RIT2: variants seen among roughly 807,000 people sequenced by gnomAD.
RIT2 encodes GTP-binding protein Rit2.
RIT2 carries 24 observed loss-of-function variants against 23.7 expected under a neutral mutation model. The ratio of observed to expected loss-of-function variants is 1.01; its 90% CI spans 0.73 to 1.43. The LOEUF is 1.43. Ranked by LOEUF, RIT2 falls within the 40% of genes most tolerant of loss-of-function variation. The probability of loss-of-function intolerance (pLI) is 0.00; values close to 1 mark genes in which losing one functional copy is unlikely to be tolerated. For missense variants in RIT2, 236 were observed against 266.9 expected (o/e 0.88, Z 0.81); for synonymous variants, 107 against 91.1 (o/e 1.17, Z -0.99).
chr18:42,952,096 G>T (rs1909864594), intron 3 of RIT2, among the ~76,000 whole-genome samples: 2 of 152,068 alleles, frequency 1.3e-5, no homozygotes, highest in African/African-American at 4.8e-5. Context: ...ACCTCCTACT[G>T]GGTCCCTCCC....
At chr18:42,777,390 A>G (rs1394269558) in intron 4 of RIT2, among the ~76,000 whole-genome samples, 1 of 152,154 alleles carries the variant, frequency 6.6e-6, no homozygotes, top group Non-Finnish European at 1.5e-5. Flanking sequence ...GTCTGAGTGT[A>G]AATAAATCTC....
chr18:43,041,662 A>C (rs1912131553), intron 1 of RIT2, among the ~76,000 whole-genome samples: 1 of 152,132 alleles, frequency 6.6e-6, no homozygotes, highest in Non-Finnish European at 1.5e-5. Flanking sequence ...TTTTGTGTGG[A>C]CGTCTTTTTT....
chr18:42,768,708 T>A (rs1913481094), intron 4 of RIT2, among the ~76,000 whole-genome samples: 1 of 152,140 alleles, frequency 6.6e-6, no homozygotes, highest in Non-Finnish European at 1.5e-5. Flanking sequence ...TACTAGATGT[T>A]TTATGAATTG....
chr18:42,743,633 C>T lies in RIT2; in HGVS notation c.514G>A (p.Asp172Asn). ...TCCCTCACTAAGCCATGAAAAGCAT[C>T]ATCAATACAGAATCTGAGGGCTGCA... ...TSAALRFCID[D>N]AFHGLVREIR... The change falls in exon 5 of 5, where the codon GAT (aspartate) becomes AAT (asparagine). Residue 172 changes from aspartate to asparagine, a missense_variant. By Grantham distance (23) the Asp-to-Asn change is conservative (BLOSUM62 1). Coordinates refer to ENST00000326695, the MANE Select transcript of RIT2 (RefSeq NM_002930.4). 3 of 1,614,036 alleles carry T rather than the reference C, an allele frequency of 1.9e-6. No individual in the cohort carries two copies. Among genetic ancestry groups the T allele is most frequent in the Non-Finnish European group, 8.5e-7 (1 of 1,179,982 alleles).
chr18:42,795,726 C>G (rs1318518252), intron 4 of RIT2, among the ~76,000 whole-genome samples: 2 of 152,236 alleles, frequency 1.3e-5, no homozygotes, highest in Admixed American at 6.5e-5. Flanking sequence ...ACCTTTATGT[C>G]TAGCTCAGGG....
intron 3 of RIT2, among the ~76,000 whole-genome samples, chr18:42,963,334 C>A (rs930841924): frequency 1.3e-5 from 2 of 152,056 alleles, no homozygotes; most frequent in Non-Finnish European, 2.9e-5. Context: ...TAGCAAGACC[C>A]CAGGCACAGA....
chr18:43,034,287 A>G (rs1366266079), intron 1 of RIT2, among the ~76,000 whole-genome samples: 1 of 152,112 alleles, frequency 6.6e-6, no homozygotes, highest in Non-Finnish European at 1.5e-5. Flanking sequence ...GTGAATAGAT[A>G]CCCTCTGAAG....
At chr18:42,980,028 C>G (rs1945000) in intron 2 of RIT2, among the ~76,000 whole-genome samples, 38,319 of 151,840 alleles carry the variant, frequency 0.25, 5,266 homozygotes, top group African/African-American at 0.34. Flanking sequence ...GGCTCTGCCA[C>G]GAAAAGAGAA....
chr18:42,749,202 A>G (rs1027296916), intron 4 of RIT2, among the ~76,000 whole-genome samples: 3 of 151,956 alleles, frequency 2.0e-5, no homozygotes, highest in African/African-American at 7.2e-5. Flanking sequence ...TAGTTGAGAA[A>G]AAGTATGTAT....
At chr18:43,027,521 A>G (rs1911761334) in intron 2 of RIT2, among the ~76,000 whole-genome samples, 1 of 151,984 alleles carries the variant, frequency 6.6e-6, no homozygotes, top group African/African-American at 2.4e-5. Context: ...AAGGCTAAGT[A>G]TGGACTCAGA....
intron 4 of RIT2, among the ~76,000 whole-genome samples, chr18:42,840,754 G>A (rs926764937): frequency 6.6e-6 from 1 of 152,198 alleles, no homozygotes; most frequent in African/African-American, 2.4e-5. Flanking sequence ...ACCCGCCTTG[G>A]CCTCCCAAAG....
At position 42,743,670 on chromosome 18, in the gene RIT2, A is replaced by G. The variant is rs1338524439; in HGVS notation, c.477T>C (p.Phe159=). 2 of 1,613,948 alleles carry G rather than the reference A, an allele frequency of 1.2e-6. No homozygotes were observed. Among genetic ancestry groups the G allele is most frequent in the African/African-American group, 2.7e-5 (2 of 74,940 alleles). The change falls in exon 5 of 5, where the codon TTT becomes TTC. Residue 159 remains phenylalanine (F), a synonymous_variant. Transcript: ENST00000326695. ...LSLAQEYNCG[F]FETSAALRFC... ...ATCTGAGGGCTGCAGAGGTCTCAAA[A>G]AAACCACAATTATATTCTTGGGCAA...
chr18:43,100,211 T>C (rs550069934), intron 1 of RIT2, among the ~76,000 whole-genome samples: 3 of 151,994 alleles, frequency 2.0e-5, no homozygotes, highest in African/African-American at 7.2e-5. Flanking sequence ...GATGCGACAA[T>C]AGGAGAGAGA....
At chr18:42,937,776 C>T (rs752125056) in intron 3 of RIT2, among the ~76,000 whole-genome samples, 14 of 152,106 alleles carry the variant, frequency 9.2e-5, no homozygotes, top group Non-Finnish European at 1.8e-4. Context: ...AGATAAAATT[C>T]ATTGGGGGAA....
At chr18:42,897,226 C>G (rs980236801) in intron 4 of RIT2, among the ~76,000 whole-genome samples, 3 of 152,196 alleles carry the variant, frequency 2.0e-5, no homozygotes, top group African/African-American at 4.8e-5. Context: ...TACCTCCCAA[C>G]ACACTAGTTA....
At chr18:42,923,827 A>T in intron 3 of RIT2, 64 bp from the exon 4 acceptor site, 1 of 1,223,780 alleles carries the variant, frequency 8.2e-7, no homozygotes, top group South Asian at 1.5e-5. Flanking sequence ...TATGAGGTTT[A>T]AATGTAATCA....
intron 4 of RIT2, among the ~76,000 whole-genome samples, chr18:42,809,642 T>C (rs1158147260): frequency 1.3e-5 from 2 of 151,474 alleles, no homozygotes; most frequent in African/African-American, 4.8e-5. Context: ...TAAGGTTTGA[T>C]AGAAGAAATA....
intron 1 of RIT2, among the ~76,000 whole-genome samples, chr18:43,091,010 C>T (rs1044351037): frequency 1.3e-5 from 2 of 151,822 alleles, no homozygotes; most frequent in African/African-American, 4.8e-5. Flanking sequence ...ACCTATATGA[C>T]AAACCTGCAC....
At chr18:42,963,439 C>G (rs1342282862) in intron 3 of RIT2, among the ~76,000 whole-genome samples, 1 of 152,142 alleles carries the variant, frequency 6.6e-6, no homozygotes, top group Non-Finnish European at 1.5e-5. Context: ...TCTTGAAACT[C>G]ATTCAAGGCT....
Sources: allele counts gnomAD v4.1 joint callset (sites outside exome capture counted in the v4.1 genomes callset), GRCh38; gene constraint gnomAD v4.1.1; transcripts MANE v1.5; gene names NCBI Gene and HGNC (gene_info 2026-07-23, HGNC 2026-07-21).